Variants in SYTL3 observed in about 807,000 individuals in gnomAD.
The protein encoded by SYTL3 is synaptotagmin-like protein 3.
Under a neutral mutation model 82.1 loss-of-function variants are expected in SYTL3, and 88 were observed. The observed-to-expected ratio is 1.07, with a 90% CI of 0.90 to 1.28. The LOEUF (loss-of-function observed/expected upper bound fraction) is 1.28, where lower values mean the gene tolerates loss of function less well. Ranked by LOEUF, SYTL3 falls within the 50% of genes most tolerant of loss-of-function variation. SYTL3 has a pLI of 0.00. For synonymous variants in SYTL3, 311 were observed against 289.4 expected (o/e 1.07, Z -0.76); for missense variants, 831 against 757.6 (o/e 1.10, Z -1.14).
At chr6:158,658,281 T>A (rs534472735) in intron 2 of SYTL3, among the ~76,000 whole-genome samples, 17 of 151,970 alleles carry the variant, frequency 1.1e-4, no homozygotes, top group South Asian at 2.1e-4. Flanking sequence ...TTAATTAAAA[T>A]TTTTTTTTGC....
chr6:158,749,727 A>G (rs1407916312), intron 12 of SYTL3, among the ~76,000 whole-genome samples: 1 of 152,072 alleles, frequency 6.6e-6, no homozygotes, highest in Admixed American at 6.6e-5. Context: ...GGCTCATGCA[A>G]TCCTTCCGCC....
At chr6:158,711,378 A>G (rs1335624055) in intron 8 of SYTL3, among the ~76,000 whole-genome samples, 2 of 152,192 alleles carry the variant, frequency 1.3e-5, no homozygotes, top group African/African-American at 4.8e-5. Flanking sequence ...GGATATGTAT[A>G]TAGATACATG....
chr6:158,729,393 A>AT (rs1384529026), intron 11 of SYTL3, among the ~76,000 whole-genome samples: 1 of 152,016 alleles, frequency 6.6e-6, no homozygotes, highest in Non-Finnish European at 1.5e-5. Context: ...AGCCTCTTAT[A>AT]AAGGCCTGAA....
intron 5 of SYTL3, among the ~76,000 whole-genome samples, chr6:158,681,762 C>T (rs1291584086): frequency 6.6e-6 from 1 of 152,234 alleles, no homozygotes; most frequent in Admixed American, 6.5e-5. Flanking sequence ...TTCAGGTCCT[C>T]CCAAGAATCT....
chr6:158,700,714 T>TCATGCCATTCTCCTGCCTC (rs1446011141), intron 6 of SYTL3, among the ~76,000 whole-genome samples: 1 of 152,176 alleles, frequency 6.6e-6, no homozygotes, highest in Non-Finnish European at 1.5e-5. Context: ...CCTCCTGGGT[T>TCATGCCATTCTCCTGCCTC]CATGCCATTC....
chr6:158,709,822 C>T (rs1364726953), intron 8 of SYTL3, among the ~76,000 whole-genome samples: 1 of 152,088 alleles, frequency 6.6e-6, no homozygotes, highest in Non-Finnish European at 1.5e-5. Context: ...ATTTGAGAAA[C>T]ATGTAAAAAC....
chr6:158,688,062 A>T (rs1779475472), intron 6 of SYTL3, among the ~76,000 whole-genome samples: 1 of 152,188 alleles, frequency 6.6e-6, no homozygotes, highest in South Asian at 2.1e-4. Context: ...TTGCTTTTAC[A>T]ATTCAACTTG....
At chr6:158,709,796 A>T (rs1273560456) in intron 8 of SYTL3, among the ~76,000 whole-genome samples, 1 of 152,220 alleles carries the variant, frequency 6.6e-6, no homozygotes, top group Non-Finnish European at 1.5e-5. Flanking sequence ...AAATTTATTT[A>T]AAAAATTTAA....
At chr6:158,731,080 C>T (rs776824667) in intron 11 of SYTL3, among the ~76,000 whole-genome samples, 16 of 151,882 alleles carry the variant, frequency 1.1e-4, no homozygotes, top group Admixed American at 1.3e-4. Flanking sequence ...GTCAGGAGAT[C>T]GAGACCATCC....
chr6:158,720,127 C>G (rs972164281), intron 10 of SYTL3, among the ~76,000 whole-genome samples: 1 of 151,694 alleles, frequency 6.6e-6, no homozygotes, highest in African/African-American at 2.4e-5. Context: ...ATTGGCCGGG[C>G]ACCATGGCTC....
intron 4 of SYTL3, chr6:158,663,671 G>A (rs1789648976): frequency 1.1e-6 from 1 of 924,798 alleles, no homozygotes; most frequent in South Asian, 5.0e-5. Context: ...CCGACTTCGT[G>A]GGAATCATTC....
At chr6:158,752,078 T>A in intron 13 of SYTL3, 48 bp downstream of exon 13, 1 of 1,388,416 alleles carries the variant, frequency 7.2e-7, no homozygotes, top group Non-Finnish European at 9.7e-7. Context: ...CGAGCCCGGG[T>A]GGAGCGCCTG....
At chr6:158,736,748 A>G (rs1332212957) in intron 11 of SYTL3, among the ~76,000 whole-genome samples, 3 of 150,400 alleles carry the variant, frequency 2.0e-5, no homozygotes, top group Non-Finnish European at 4.4e-5. Flanking sequence ...AGATCGTGCC[A>G]TTGTACTCCA....
chr6:158,745,200 C>T (rs916619923), intron 11 of SYTL3, among the ~76,000 whole-genome samples: 2 of 151,116 alleles, frequency 1.3e-5, no homozygotes, highest in Non-Finnish European at 1.5e-5. Context: ...TAGTCCATTT[C>T]GCCCCAAGCA....
At chr6:158,669,291 A>G (rs74855718) in intron 5 of SYTL3, among the ~76,000 whole-genome samples, 4,807 of 152,190 alleles carry the variant, frequency 0.032, 272 homozygotes, top group African/African-American at 0.11. Context: ...TTCTCCCTTA[A>G]GATTGCTGAG....
chr6:158,664,081 G>A (rs1361933896), intron 4 of SYTL3, among the ~76,000 whole-genome samples: 2 of 152,194 alleles, frequency 1.3e-5, no homozygotes, highest in African/African-American at 2.4e-5. Context: ...GTTTATCAAT[G>A]TCTATGGAGG....
In SYTL3 at chr6:158,650,085, TG is replaced by T. The variant is rs1462485399; in HGVS notation, c.-727+8del. 1 of 151,870 alleles carries T rather than the reference TG, an allele frequency of 6.6e-6. No individual in the cohort carries two copies. The highest frequency in any genetic ancestry group is 1.5e-5 in the Non-Finnish European group (1 of 68,008). The allele number at this position is 151,870 out of a possible 1,614,324, so 9.4% of individuals were successfully genotyped here. ...TCTTGAAGCAGATGCGAAGGTAGGA[TG>T]AGAAGGCATGGCTGGCCGTTGCAGC... is the stretch of plus-strand genomic sequence containing the variant. On this transcript the variant is annotated splice_region_variant and intron_variant, in intron 1 of 17. Coordinates refer to ENST00000611299, the MANE Select transcript of SYTL3 (RefSeq NM_001242394.2).
intron 5 of SYTL3, 96 bp from the exon 6 acceptor site, chr6:158,682,829 T>G: frequency 1.2e-6 from 1 of 853,446 alleles, no homozygotes; most frequent in South Asian, 1.5e-5. Flanking sequence ...ATTGCAAGAC[T>G]AATATTTTGT....
chr6:158,693,858 T>TTCTTTTCTTTTC lies in SYTL3; in HGVS notation c.394+10870_394+10871insCTTTTCTTTTCT, dbSNP rs1224791292. Among the ~76,000 whole-genome samples, 71 of 120,424 alleles carry TTCTTTTCTTTTC rather than the reference T, an allele frequency of 5.9e-4. 3 individuals carry two copies. Among genetic ancestry groups the TTCTTTTCTTTTC allele is most frequent in the African/African-American group, 2.0e-3 (45 of 22,346 alleles). The allele number at this position is 120,424 out of a possible 152,430, so 79.0% of individuals were successfully genotyped here. A position where few individuals can be genotyped will look rare whatever the true frequency, so the allele number is the denominator to read the frequency against. ...ATCCAGCCTTTCTTTTTCTTTTCTT[T>TTCTTTTCTTTTC]TTTTTTTTTTTTTTTGTAGATACAG... is the stretch of plus-strand genomic sequence containing the variant. On this transcript the variant is annotated intron_variant, in intron 6 of 17. Coordinates refer to ENST00000611299, the MANE Select transcript of SYTL3 (RefSeq NM_001242394.2).
Sources: allele counts gnomAD v4.1 joint callset (sites outside exome capture counted in the v4.1 genomes callset), GRCh38; gene constraint gnomAD v4.1.1; transcripts MANE v1.5; gene names NCBI Gene and HGNC (gene_info 2026-07-23, HGNC 2026-07-21).